DLG2: variants seen among roughly 807,000 people sequenced by gnomAD.
DLG2 encodes the protein discs large MAGUK scaffold protein 2.
A neutral mutation model predicts 132.5 loss-of-function variants in DLG2; 45 were observed. The ratio of observed to expected loss-of-function variants is 0.34; its 90% CI spans 0.27 to 0.44. The LOEUF (loss-of-function observed/expected upper bound fraction) is 0.44. Among genes scored for constraint, DLG2 ranks in the 20% least tolerant of loss-of-function variants. The pLI, the probability that DLG2 is intolerant of heterozygous loss-of-function variation, is 1.00. For synonymous variants in DLG2, 424 were observed against 419.6 expected (o/e 1.01, Z -0.13); for missense variants, 1,045 against 1,196.9 (o/e 0.87, Z 1.87).
chr11:84,921,841 TA>T (rs1207678310), intron 6 of DLG2, among the ~76,000 whole-genome samples: 2 of 152,202 alleles, frequency 1.3e-5, no homozygotes, highest in African/African-American at 4.8e-5. Flanking sequence ...TATTTTTAAT[TA>T]TTTTTTTCAT....
chr11:84,597,385 A>AT (rs998837624), intron 6 of DLG2, among the ~76,000 whole-genome samples: 2 of 152,010 alleles, frequency 1.3e-5, no homozygotes, highest in Middle Eastern at 3.2e-3. Flanking sequence ...TAGACAGACT[A>AT]TTTTTTTTCC....
chr11:83,480,626 CT>C, intron 22 of DLG2: 1 of 1,556,956 alleles, frequency 6.4e-7, no homozygotes. Context: ...GCTGTTTCTT[CT>C]TTTTAGCAAA....
At chr11:83,704,654 T>TAAAAA (rs769615246) in intron 18 of DLG2, among the ~76,000 whole-genome samples, 13 of 105,992 alleles carry the variant, frequency 1.2e-4, no homozygotes, top group African/African-American at 4.3e-4. Context: ...CCGTCTCTAC[T>TAAAAA]AAAAAAAAAA....
chr11:84,359,156 G>A (rs909915733), intron 7 of DLG2, among the ~76,000 whole-genome samples: 1 of 151,800 alleles, frequency 6.6e-6, no homozygotes, highest in African/African-American at 2.4e-5. Context: ...GACTGAATAA[G>A]CCTTTAAACA....
chr11:85,592,033 C>T (rs977095691), intron 3 of DLG2, among the ~76,000 whole-genome samples: 1 of 152,220 alleles, frequency 6.6e-6, no homozygotes. Context: ...TCTCTAGCAA[C>T]AACAATGTAC....
intron 11 of DLG2, among the ~76,000 whole-genome samples, chr11:83,989,224 T>C (rs1260637371): frequency 6.6e-6 from 1 of 152,112 alleles, no homozygotes; most frequent in African/African-American, 2.4e-5. Flanking sequence ...TGATGAGCTC[T>C]CCATCCTCAA....
chr11:85,325,191 G>C (rs1188374518), intron 3 of DLG2, among the ~76,000 whole-genome samples: 1 of 148,724 alleles, frequency 6.7e-6, no homozygotes, highest in Non-Finnish European at 1.5e-5. Flanking sequence ...AACGAGGCTG[G>C]GGGAGGGGCG....
At chr11:84,776,177 C>T (rs895872353) in intron 6 of DLG2, among the ~76,000 whole-genome samples, 1 of 152,024 alleles carries the variant, frequency 6.6e-6, no homozygotes, top group African/African-American at 2.4e-5. Context: ...TTGTTTGAGG[C>T]AAGTTATTGG....
intron 6 of DLG2, among the ~76,000 whole-genome samples, chr11:84,950,772 A>G (rs1423519702): frequency 2.0e-5 from 3 of 152,024 alleles, no homozygotes; most frequent in Non-Finnish European, 4.4e-5. Context: ...CTACATGCCT[A>G]TCTGCGGATA....
chr11:84,616,848 T>C lies in DLG2; in HGVS notation c.358-82117A>G, dbSNP rs140882195. Among the ~76,000 whole-genome samples the C allele has an allele frequency of 2.3e-3, 354 of 152,214 alleles. 3 individuals carry two copies. The highest frequency in any genetic ancestry group is 8.3e-3 in the African/African-American group (345 of 41,556). Reference sequence around the variant, plus strand: ...TATTATTGTTAGTCTCATTTTAAAGTGGACAGATAACATTTCCCTCATTTT... The same window carrying C: ...TATTATTGTTAGTCTCATTTTAAAGCGGACAGATAACATTTCCCTCATTTT... On this transcript the variant is annotated intron_variant, in intron 6 of 27. Coordinates refer to ENST00000376104, the MANE Select transcript of DLG2 (RefSeq NM_001142699.3).
intron 7 of DLG2, among the ~76,000 whole-genome samples, chr11:84,304,117 T>C (rs959788858): frequency 2.0e-5 from 3 of 152,184 alleles, no homozygotes; most frequent in African/African-American, 7.2e-5. Context: ...CTGCAAGACA[T>C]ACAGGTATTG....
chr11:83,989,395 G>C (rs529633862), intron 11 of DLG2, among the ~76,000 whole-genome samples: 28 of 152,236 alleles, frequency 1.8e-4, no homozygotes, highest in African/African-American at 6.0e-4. Context: ...ATAGATACTT[G>C]ATAAATAAAG....
At chr11:84,425,839 C>T (rs1271912925) in intron 7 of DLG2, among the ~76,000 whole-genome samples, 1 of 152,082 alleles carries the variant, frequency 6.6e-6, no homozygotes, top group African/African-American at 2.4e-5. Context: ...ATTGTTATTT[C>T]TAAGAAATAG....
At chr11:84,663,247 A>AT (rs1360878163) in intron 6 of DLG2, among the ~76,000 whole-genome samples, 4,568 of 79,550 alleles carry the variant, frequency 0.057, 99 homozygotes, top group African/African-American at 0.11. Flanking sequence ...ATATATATAT[A>AT]TATTTTTTTT....
intron 6 of DLG2, among the ~76,000 whole-genome samples, chr11:84,559,672 A>AT (rs1227545761): frequency 2.6e-5 from 4 of 152,162 alleles, no homozygotes; most frequent in African/African-American, 9.6e-5. Flanking sequence ...GCTATTAGGC[A>AT]TTAGGCACCA....
intron 4 of DLG2, among the ~76,000 whole-genome samples, chr11:85,160,198 C>T (rs775104252): frequency 5.3e-5 from 8 of 152,138 alleles, no homozygotes; most frequent in Non-Finnish European, 1.0e-4. Flanking sequence ...GCGTTACTCC[C>T]GCCCATTTAT....
At position 84,045,227 on chromosome 11, in the gene DLG2, G is replaced by A. The variant is rs143865766; in HGVS notation, c.919+14088C>T. 1.1e-4 allele frequency among the ~76,000 whole-genome samples: 16 copies of A among 151,666 alleles called. 2 individuals are homozygous for A. The highest frequency in any genetic ancestry group is 3.9e-4 in the African/African-American group (16 of 41,432). ...GTGGTATTCACTTTTATATCTATATGTGCTGGGTAACATATGCACTTGCCA... is the reference window on the plus strand; with the variant it reads ...GTGGTATTCACTTTTATATCTATATATGCTGGGTAACATATGCACTTGCCA... On this transcript the variant is annotated intron_variant, in intron 11 of 27. Transcript: ENST00000376104.
intron 9 of DLG2, among the ~76,000 whole-genome samples, chr11:84,155,248 C>A (rs1371553114): frequency 6.6e-6 from 1 of 152,122 alleles, no homozygotes; most frequent in Non-Finnish European, 1.5e-5. Flanking sequence ...GCAATGTATG[C>A]CCTTCTTTAG....
At chr11:84,211,355 A>C (rs1283258257) in intron 8 of DLG2, among the ~76,000 whole-genome samples, 2 of 152,218 alleles carry the variant, frequency 1.3e-5, no homozygotes, top group Admixed American at 6.5e-5. Flanking sequence ...TTCCCTGCTC[A>C]GATTGAGACC....
Sources: gnomAD v4.1 joint callset for allele counts (sites outside exome capture counted in the v4.1 genomes callset) on GRCh38, gnomAD v4.1.1 for gene constraint, MANE v1.5 for transcripts, NCBI Gene and HGNC (gene_info 2026-07-23, HGNC 2026-07-21) for gene names.